PDE2A: variants seen among roughly 807,000 people sequenced by gnomAD.
PDE2A encodes the protein cGMP-dependent 3',5'-cyclic phosphodiesterase.
In PDE2A, 53 loss-of-function variants were observed where a neutral mutation model predicts 133.6. That is an observed-to-expected ratio of 0.40 (90% confidence interval 0.32 to 0.50). PDE2A has a LOEUF of 0.50. Among genes scored for constraint, PDE2A ranks in the 20% least tolerant of loss-of-function variants. The pLI, the probability that PDE2A is intolerant of heterozygous loss-of-function variation, is 0.73. For missense variants in PDE2A, 796 were observed against 1,232.4 expected (o/e 0.65, Z 5.30); for synonymous variants, 491 against 490.2 (o/e 1.00, Z -0.02).
chr11:72,621,648 T>A (rs115647143), intron 2 of PDE2A: 2 of 152,308 alleles, frequency 1.3e-5, no homozygotes, highest in Non-Finnish European at 2.9e-5. Flanking sequence ...GTTGCACCCA[T>A]GTTCCCAAAG....
At chr11:72,654,228 G>A (rs573993043) in intron 1 of PDE2A, among the ~76,000 whole-genome samples, 2 of 152,182 alleles carry the variant, frequency 1.3e-5, no homozygotes, top group Non-Finnish European at 2.9e-5. Context: ...ACCAGGGGAG[G>A]CAGGTGCTAG....
intron 2 of PDE2A, among the ~76,000 whole-genome samples, chr11:72,614,041 C>T (rs538738027): frequency 2.0e-5 from 3 of 152,360 alleles, no homozygotes; most frequent in Non-Finnish European, 2.9e-5. Flanking sequence ...AGCTGAGCCT[C>T]GGCCCCTGGC....
At chr11:72,602,431 A>C (rs536323411) in intron 4 of PDE2A, among the ~76,000 whole-genome samples, 17 of 152,190 alleles carry the variant, frequency 1.1e-4, no homozygotes, top group African/African-American at 4.1e-4. Flanking sequence ...GTTTGCCCAC[A>C]GTCCAGGGTT....
chr11:72,584,531 GC>G lies in PDE2A; in HGVS notation c.1537+19del. On this transcript the variant is annotated intron_variant, in intron 18 of 30. Transcript: ENST00000334456. ...CGCCCGGCGCAGGCCCCGCCCCTCC[GC>G]CCGGGCCGCCACGCGCACCCTGGTT... The G allele has an allele frequency of 6.3e-7, 1 of 1,576,390 alleles. No individual in the cohort carries two copies. The highest frequency in any genetic ancestry group is 1.8e-5 in the Admixed American group (1 of 54,480).
At chr11:72,644,841 C>G (rs1859087599) in intron 1 of PDE2A, among the ~76,000 whole-genome samples, 1 of 152,200 alleles carries the variant, frequency 6.6e-6, no homozygotes, top group African/African-American at 2.4e-5. Flanking sequence ...ACTGCAACCT[C>G]CGCCTCCCGG....
At chr11:72,629,852 C>T (rs1858283426) in intron 2 of PDE2A, among the ~76,000 whole-genome samples, 1 of 152,178 alleles carries the variant, frequency 6.6e-6, no homozygotes, top group African/African-American at 2.4e-5. Context: ...GCAGCCCCTA[C>T]CTCATGGGGG....
chr11:72,652,452 C>CTT (rs1854766630), intron 1 of PDE2A: 2 of 453,404 alleles, frequency 4.4e-6, no homozygotes, highest in South Asian at 1.6e-5. Context: ...CAGATATGGC[C>CTT]CCTGGTCCTC....
chr11:72,603,946 C>T (rs1015169237), intron 4 of PDE2A, among the ~76,000 whole-genome samples: 3 of 152,222 alleles, frequency 2.0e-5, no homozygotes, highest in Non-Finnish European at 4.4e-5. Context: ...AGTCCAGCAT[C>T]CTCAAACAGG....
intron 1 of PDE2A, chr11:72,643,652 C>G (rs1162584610): frequency 6.6e-6 from 1 of 152,508 alleles, no homozygotes; most frequent in Non-Finnish European, 1.5e-5. Flanking sequence ...AGCCTCCCAG[C>G]CTCCCAGCCT....
chr11:72,580,446 C>T (rs970392137), intron 25 of PDE2A, 131 bp downstream of exon 25: 1 of 733,448 alleles, frequency 1.4e-6, no homozygotes, highest in African/African-American at 1.7e-5. Context: ...CCAGACATGT[C>T]CTAGGTGTGG....
intron 1 of PDE2A, among the ~76,000 whole-genome samples, chr11:72,647,232 C>G (rs980647513): frequency 6.6e-6 from 1 of 152,230 alleles, no homozygotes; most frequent in Admixed American, 6.5e-5. Context: ...TGCTGCCTGA[C>G]ATGCATCTAT....
At chr11:72,642,187 G>A (rs1858982037) in intron 2 of PDE2A, 67 bp downstream of exon 2, 1 of 1,376,456 alleles carries the variant, frequency 7.3e-7, no homozygotes, top group Admixed American at 3.6e-5. Context: ...TTCGGGGGCG[G>A]GCAGACCCGG....
At chr11:72,614,751 G>A (rs1230544797) in intron 2 of PDE2A, among the ~76,000 whole-genome samples, 2 of 152,194 alleles carry the variant, frequency 1.3e-5, no homozygotes, top group Admixed American at 1.3e-4. Flanking sequence ...AAGAGGCTAA[G>A]GACTGGAGGG....
chr11:72,577,253 T>C lies in PDE2A; in HGVS notation c.*131A>G, dbSNP rs1855508317. The C allele has an allele frequency of 1.6e-6, 1 of 641,680 alleles. No homozygotes were observed. The highest frequency in any genetic ancestry group is 2.8e-5 in the Admixed American group (1 of 35,690). 39.7% of individuals were successfully genotyped at this position (641,680 alleles called of 1,614,324 possible). On this transcript the variant is annotated 3_prime_UTR_variant, in exon 31 of 31. Transcript: ENST00000334456. ...AGAAAGCTGAGGCCCAGGAAGGTAG[T>C]ACTTGTCCAGGGTCACACAGGAAGT... is the stretch of plus-strand genomic sequence containing the variant.
At position 72,581,369 on chromosome 11, in the gene PDE2A, G is replaced by A. The variant is rs780681862; in HGVS notation, c.2033C>T (p.Thr678Ile). The A allele has an allele frequency of 1.4e-5, 23 of 1,613,036 alleles. No individual in the cohort carries two copies. Among genetic ancestry groups the A allele is most frequent in the Non-Finnish European group, 8.5e-7 (1 of 1,179,846 alleles). Reference protein sequence around the residue: ...CYLLYKNLELTNYLEDIEIFA... With the variant: ...CYLLYKNLELINYLEDIEIFA... ...TGCAGCCACTCACTCGAGGTAGTTG[G>A]TGAGCTCCAGGTTCTTGTAGAGCAG... The change falls in exon 23 of 31, where the codon ACC becomes ATC. Residue 678 changes from threonine (T) to isoleucine (I), a missense_variant. This residue lies in a region of PDE2A where 218 missense variants were observed against 465.9 expected (regional missense o/e 0.47). Coordinates refer to ENST00000334456, the MANE Select transcript of PDE2A (RefSeq NM_002599.5).
At chr11:72,647,146 G>C (rs1483547506) in intron 1 of PDE2A, among the ~76,000 whole-genome samples, 1 of 152,124 alleles carries the variant, frequency 6.6e-6, no homozygotes, top group Non-Finnish European at 1.5e-5. Flanking sequence ...CACACACTTG[G>C]TCCTGGCAGA....
intron 1 of PDE2A, among the ~76,000 whole-genome samples, chr11:72,667,545 A>G (rs1425097428): frequency 6.6e-6 from 1 of 152,164 alleles, no homozygotes; most frequent in East Asian, 1.9e-4. Context: ...TCCATCCTTC[A>G]TCTCTGCCAC....
At chr11:72,583,831 G>A (rs528643325) in intron 19 of PDE2A, among the ~76,000 whole-genome samples, 1 of 152,292 alleles carries the variant, frequency 6.6e-6, no homozygotes, top group African/African-American at 2.4e-5. Flanking sequence ...TCATGTCAGG[G>A]ACCTTGGGGC....
chr11:72,597,746 G>C lies in PDE2A; in HGVS notation c.324-127C>G, dbSNP rs139811843. On this transcript the variant is annotated intron_variant, in intron 4 of 30. Transcript: ENST00000334456. This position sits in a 1 kb window ranked among gnomAD's most constrained non-coding sequence, Gnocchi z 4.6. ...GATCTGGGCAAGCTGACCTGCCTCAGGTTGGACACGATGACAGCACAAGTA... is the reference window on the plus strand; with the variant it reads ...GATCTGGGCAAGCTGACCTGCCTCACGTTGGACACGATGACAGCACAAGTA... 697 of 623,848 alleles carry C rather than the reference G, an allele frequency of 1.1e-3. 4 individuals are homozygous for C. The highest frequency in any genetic ancestry group is 2.2e-4 in the Non-Finnish European group (76 of 351,644). 38.6% of individuals were successfully genotyped at this position (623,848 alleles called of 1,614,324 possible).
Sources: allele counts gnomAD v4.1 joint callset (sites outside exome capture counted in the v4.1 genomes callset), GRCh38; gene constraint gnomAD v4.1.1; regional missense constraint gnomAD v4.1.1; non-coding constraint Gnocchi (gnomAD v3.1); transcripts MANE v1.5; gene names NCBI Gene and HGNC (gene_info 2026-07-23, HGNC 2026-07-21).